BAALC: variants seen among roughly 807,000 people sequenced by gnomAD.
BAALC encodes the protein BAALC binder of MAP3K1 and KLF4.
In BAALC, 9 loss-of-function variants were observed where a neutral mutation model predicts 15.5. The observed-to-expected ratio is 0.58, with a 90% CI of 0.35 to 1.02. The LOEUF is 1.02. Among genes scored for constraint, BAALC ranks in the 50% least tolerant of loss-of-function variants. The probability of loss-of-function intolerance (pLI) is 0.02; values close to 1 mark genes in which losing one functional copy is unlikely to be tolerated. For missense variants in BAALC, 201 were observed against 192.4 expected, an observed-to-expected ratio of 1.04 and a Z score of -0.27; for synonymous variants, 80 against 74.6, an observed-to-expected ratio of 1.07 and a Z score of -0.37.
intron 1 of BAALC, among the ~76,000 whole-genome samples, chr8:103,163,488 G>T (rs1015166547): frequency 6.6e-6 from 1 of 152,106 alleles, no homozygotes; most frequent in African/African-American, 2.4e-5. Flanking sequence ...ACCCTATGGT[G>T]CCATCCCTCT....
intron 1 of BAALC, chr8:103,208,252 C>T (rs1812372713): frequency 6.6e-6 from 1 of 152,220 alleles, no homozygotes; most frequent in African/African-American, 2.4e-5. Context: ...TCTTTACAAT[C>T]GCCCCATGAA....
intron 2 of BAALC, among the ~76,000 whole-genome samples, chr8:103,219,143 C>T (rs973929185): frequency 6.6e-6 from 1 of 152,224 alleles, no homozygotes; most frequent in African/African-American, 2.4e-5. Flanking sequence ...GAGATGTGCA[C>T]CTACCTACTG....
chr8:103,170,102 C>G (rs1811444170), intron 1 of BAALC, among the ~76,000 whole-genome samples: 2 of 152,142 alleles, frequency 1.3e-5, no homozygotes, highest in Non-Finnish European at 2.9e-5. Flanking sequence ...CATTTTCTCT[C>G]TCCTCTTTTT....
At chr8:103,217,508 T>C (rs1446325563) in intron 2 of BAALC, among the ~76,000 whole-genome samples, 1 of 152,230 alleles carries the variant, frequency 6.6e-6, no homozygotes, top group African/African-American at 2.4e-5. Context: ...CTAAGCTTTG[T>C]GCATTTTCAG....
intron 1 of BAALC, among the ~76,000 whole-genome samples, chr8:103,164,929 C>T (rs62527637): frequency 1.3e-5 from 2 of 152,080 alleles, no homozygotes; most frequent in Admixed American, 1.3e-4. Flanking sequence ...CATTACCTGT[C>T]CCCTAAAAAG....
At chr8:103,178,748 T>G (rs1218843751) in intron 1 of BAALC, among the ~76,000 whole-genome samples, 1 of 151,602 alleles carries the variant, frequency 6.6e-6, no homozygotes, top group Non-Finnish European at 1.5e-5. Context: ...TCCCAGCTAC[T>G]CAGGAGGCTG....
chr8:103,225,023 G>C (rs1218714597), intron 2 of BAALC, among the ~76,000 whole-genome samples: 1 of 152,176 alleles, frequency 6.6e-6, no homozygotes, highest in East Asian at 1.9e-4. Flanking sequence ...CAAATAACAA[G>C]AGATGCTTAG....
intron 1 of BAALC, among the ~76,000 whole-genome samples, chr8:103,167,794 T>C (rs76645477): frequency 0.015 from 2,267 of 152,298 alleles, 59 homozygotes; most frequent in African/African-American, 0.052. Flanking sequence ...AATGAGGAGC[T>C]TGGACTTCAT....
intron 1 of BAALC, among the ~76,000 whole-genome samples, chr8:103,169,736 C>T (rs147418315): frequency 6.9e-4 from 105 of 152,284 alleles, no homozygotes; most frequent in African/African-American, 2.2e-3. Flanking sequence ...ACAATAGCCC[C>T]GACCTCAATT....
chr8:103,145,783 G>T (rs139997682), intron 1 of BAALC, among the ~76,000 whole-genome samples: 1 of 152,122 alleles, frequency 6.6e-6, no homozygotes, highest in Non-Finnish European at 1.5e-5. Context: ...CGTAGGTGGC[G>T]CTCAATAAAC....
intron 2 of BAALC, among the ~76,000 whole-genome samples, chr8:103,222,498 C>A (rs1252981770): frequency 1.3e-5 from 2 of 152,150 alleles, no homozygotes; most frequent in Admixed American, 6.5e-5. Flanking sequence ...ACTCCCCAGG[C>A]CCCTTAGATA....
At chr8:103,161,423 T>C (rs1383026424) in intron 1 of BAALC, among the ~76,000 whole-genome samples, 1 of 152,230 alleles carries the variant, frequency 6.6e-6, no homozygotes, top group Non-Finnish European at 1.5e-5. Context: ...TGACTTTCAC[T>C]GAAGACTATA....
At chr8:103,156,429 T>C (rs904641187) in intron 1 of BAALC, among the ~76,000 whole-genome samples, 1 of 152,134 alleles carries the variant, frequency 6.6e-6, no homozygotes, top group African/African-American at 2.4e-5. Context: ...CAGAGTAAGG[T>C]AGAGGGTGCT....
At chr8:103,227,604 T>C (rs1812833931) in intron 2 of BAALC, among the ~76,000 whole-genome samples, 1 of 152,220 alleles carries the variant, frequency 6.6e-6, no homozygotes, top group Non-Finnish European at 1.5e-5. Context: ...TTTTATCTTA[T>C]GTAAAAAATG....
intron 2 of BAALC, among the ~76,000 whole-genome samples, chr8:103,227,605 G>A (rs866586161): frequency 2.0e-5 from 3 of 152,226 alleles, no homozygotes; most frequent in Middle Eastern, 3.4e-3. Context: ...TTTATCTTAT[G>A]TAAAAAATGC....
intron 1 of BAALC, among the ~76,000 whole-genome samples, chr8:103,178,310 C>G (rs891839138): frequency 1.3e-5 from 2 of 152,120 alleles, no homozygotes; most frequent in African/African-American, 4.8e-5. Flanking sequence ...TGTTCTGTAT[C>G]TTGGTTGCAG....
intron 2 of BAALC, among the ~76,000 whole-genome samples, chr8:103,226,329 T>C (rs916540246): frequency 6.6e-6 from 1 of 152,218 alleles, no homozygotes; most frequent in African/African-American, 2.4e-5. Flanking sequence ...GCCCAAATGG[T>C]CAGACCTTTA....
At chr8:103,187,170 T>G (rs1238291415) in intron 1 of BAALC, among the ~76,000 whole-genome samples, 2 of 152,152 alleles carry the variant, frequency 1.3e-5, no homozygotes, top group Admixed American at 1.3e-4. Context: ...TATCATATCT[T>G]CCAGGCACAT....
At chr8:103,198,447 G>A (rs1248007065) in intron 1 of BAALC, among the ~76,000 whole-genome samples, 1 of 152,066 alleles carries the variant, frequency 6.6e-6, no homozygotes, top group African/African-American at 2.4e-5. Flanking sequence ...TATAGATAAT[G>A]CCCTTTTGAT....
Sources: gnomAD v4.1 joint callset for allele counts (sites outside exome capture counted in the v4.1 genomes callset) on GRCh38, gnomAD v4.1.1 for gene constraint, MANE v1.5 for transcripts, NCBI Gene and HGNC (gene_info 2026-07-23, HGNC 2026-07-21) for gene names.